The following SEC61A1 variants were observed in gnomAD, a reference collection of about 807,000 sequenced individuals.
SEC61A1 encodes SEC61 translocon subunit alpha 1.
A neutral mutation model predicts 55.2 loss-of-function variants in SEC61A1; 15 were observed. The observed-to-expected ratio is 0.27, with a 90% CI of 0.18 to 0.42. SEC61A1 has a LOEUF of 0.42. Ranked by LOEUF, SEC61A1 falls within the 10% of genes least tolerant of loss-of-function variation. SEC61A1 has a pLI of 1.00. For synonymous variants in SEC61A1, 247 were observed against 234.0 expected (o/e 1.06, Z -0.51); for missense variants, 284 against 602.6 (o/e 0.47, Z 5.53).
chr3:128,051,948 T>C (rs1485436639), upstream of SEC61A1: 4 of 1,469,528 alleles, frequency 2.7e-6, no homozygotes, highest in East Asian at 4.9e-5. Flanking sequence ...CAGCAGGTAA[T>C]GACGGAGACC....
chr3:128,064,723 T>A (rs1377034209), intron 7 of SEC61A1, 154 bp from the exon 8 acceptor site: 2 of 624,548 alleles, frequency 3.2e-6, no homozygotes, highest in Non-Finnish European at 5.6e-6. Context: ...AAGGGAGGGA[T>A]GAGAATAATA....
intron 5 of SEC61A1, among the ~76,000 whole-genome samples, chr3:128,059,291 GTGAAACCC>G (rs1941820094): frequency 6.6e-6 from 1 of 152,102 alleles, no homozygotes; most frequent in Non-Finnish European, 1.5e-5. Context: ...GGCTAACACA[GTGAAACCC>G]TGTCTACACT....
At chr3:128,056,604 G>C in intron 4 of SEC61A1, 105 bp from the exon 5 acceptor site, 1 of 1,025,438 alleles carries the variant, frequency 9.8e-7, no homozygotes, top group Non-Finnish European at 1.4e-6. Context: ...AAACACATTG[G>C]TTTTATATAA....
intron 4 of SEC61A1, 131 bp from the exon 5 acceptor site, chr3:128,056,578 C>A: frequency 2.7e-6 from 2 of 742,112 alleles, no homozygotes; most frequent in Non-Finnish European, 2.0e-6. Context: ...CTAAATTAAA[C>A]ACAGCTAGGA....
chr3:128,067,898 G>C lies in SEC61A1; in HGVS notation c.1168-85G>C. 2.9e-6 allele frequency: 3 copies of C among 1,050,700 alleles called. No homozygotes were observed. The highest frequency in any genetic ancestry group is 2.4e-5 in the East Asian group (1 of 42,132). 65.1% of individuals were successfully genotyped at this position (1,050,700 alleles called of 1,614,324 possible). A position where few individuals can be genotyped will look rare whatever the true frequency, so the allele number is the denominator to read the frequency against. On this transcript the variant is annotated intron_variant, in intron 10 of 11. Coordinates refer to ENST00000243253, the MANE Select transcript of SEC61A1 (RefSeq NM_013336.4). The surrounding 1 kb of genome is among the most constrained non-coding windows in gnomAD (Gnocchi z 4.1). The stretch of plus-strand genomic sequence containing the variant: ...GAATATTGTCAGTGCTCGAAGAGGC[G>C]ATCTGTAACTGTTCAGTACCACTTG...
Position 128,069,725 on chromosome 3 carries a change from C to A in SEC61A1, c.*63C>A. On this transcript the variant is annotated 3_prime_UTR_variant, in exon 12 of 12. Coordinates refer to ENST00000243253, the MANE Select transcript of SEC61A1 (RefSeq NM_013336.4). ...AGCGCCTCGGAAGGGGAGCTCTCATCATGGCGCGTGCTGCTGCGGCATATG... is the reference window on the plus strand; with the variant it reads ...AGCGCCTCGGAAGGGGAGCTCTCATAATGGCGCGTGCTGCTGCGGCATATG... 1 of 1,403,058 alleles carries A rather than the reference C, an allele frequency of 7.1e-7. No homozygotes were observed. 86.9% of individuals were successfully genotyped at this position (1,403,058 alleles called of 1,614,324 possible). A position where few individuals can be genotyped will look rare whatever the true frequency, so the allele number is the denominator to read the frequency against.
chr3:128,052,677 G>A, intron 1 of SEC61A1, 118 bp downstream of exon 1: 2 of 1,527,416 alleles, frequency 1.3e-6, no homozygotes, highest in Non-Finnish European at 1.8e-6. Flanking sequence ...AACGCGGCCC[G>A]TGCCCCCGGC....
At chr3:128,051,747 C>G (rs1213649536), upstream of SEC61A1, 7 of 1,493,918 alleles carry the variant, frequency 4.7e-6, no homozygotes, top group Admixed American at 2.1e-5. Flanking sequence ...CCCAGGAGGC[C>G]TTCCTGAATT....
Position 128,065,759 on chromosome 3 carries a change from C to T in SEC61A1, c.777+722C>T, listed in dbSNP as rs533297936. 4.5e-3 allele frequency among the ~76,000 whole-genome samples: 182 copies of T among 40,488 alleles called. 2 individuals carry two copies. The highest frequency in any genetic ancestry group is 0.037 in the East Asian group (48 of 1,288). The allele number at this position is 40,488 out of a possible 152,430, so 26.6% of individuals were successfully genotyped here. On this transcript the variant is annotated intron_variant, in intron 8 of 11. Coordinates refer to ENST00000243253, the MANE Select transcript of SEC61A1 (RefSeq NM_013336.4). The stretch of plus-strand genomic sequence containing the variant: ...TTTTTTTTTTTTTTTTTTTTTGAGA[C>T]GGAGTCTTGCTCTGTTGCCCAGGCT...
chr3:128,060,291 C>G, intron 6 of SEC61A1, 80 bp downstream of exon 6: 1 of 1,168,572 alleles, frequency 8.6e-7, no homozygotes, highest in Non-Finnish European at 1.3e-6. Flanking sequence ...CTCAAGCACA[C>G]CTAAAAGGAA....
In SEC61A1 at chr3:128,067,965, CCTG is replaced by C. The variant is rs753195479; in HGVS notation, c.1168-17_1168-15del. 1.9e-6 allele frequency: 3 copies of C among 1,611,736 alleles called. No homozygotes were observed. The highest frequency in any genetic ancestry group is 1.3e-5 in the African/African-American group (1 of 74,936). ...TTCAGCCTCCAATTCCAACTTCTCC[CCTG>C]TGGGCACCCTGCAGGTTGCAAAGCA... On this transcript the variant is annotated splice_polypyrimidine_tract_variant and intron_variant, in intron 10 of 11. Transcript: ENST00000243253. This position sits in a 1 kb window ranked among gnomAD's most constrained non-coding sequence, Gnocchi z 4.1.
Position 128,056,776 on chromosome 3 carries a change from C to A in SEC61A1, c.288C>A (p.Gly96=), listed in dbSNP as rs1028300631. ...GCCTTATAATGCAACTCTTGGCTGG[C>A]GCCAAGATAATTGAAGTTGGTGACA... ...TSGLIMQLLA[G]AKIIEVGDTP... Residue 96 remains glycine (G), a synonymous_variant, in exon 5 of 12, where the codon GGC becomes GGA. Transcript: ENST00000243253. 1 of 1,609,698 alleles carries A rather than the reference C, an allele frequency of 6.2e-7. No homozygotes were observed. The highest frequency in any genetic ancestry group is 8.5e-7 in the Non-Finnish European group (1 of 1,177,594).
intron 11 of SEC61A1, 41 bp from the exon 12 acceptor site, chr3:128,069,435 C>T (rs1185024685): frequency 6.3e-7 from 1 of 1,589,104 alleles, no homozygotes; most frequent in East Asian, 2.2e-5. Flanking sequence ...TCACGGGGAG[C>T]TCTGTGGGTG....
At chr3:128,064,626 C>T (rs922740037) in intron 7 of SEC61A1, among the ~76,000 whole-genome samples, 6 of 152,244 alleles carry the variant, frequency 3.9e-5, no homozygotes, top group Non-Finnish European at 7.4e-5. Flanking sequence ...CTAGCCTAGG[C>T]AGCCGAGAGA....
rs1203303118 is a variant in SEC61A1 at position 128,065,038 on chromosome 3, G to A, written c.777+1G>A. On this transcript the variant is annotated splice_donor_variant, in intron 8 of 11. Transcript: ENST00000243253. LOFTEE classifies it high-confidence loss of function. ...CTTTGCAGTGGTCATCTATTTCCAGGTGTGTCCAGATCCAACCCCAGGGAG... is the reference window on the plus strand; with the variant it reads ...CTTTGCAGTGGTCATCTATTTCCAGATGTGTCCAGATCCAACCCCAGGGAG... 7 of 1,614,060 alleles carry A rather than the reference G, an allele frequency of 4.3e-6. No individual in the cohort carries two copies. Among genetic ancestry groups the A allele is most frequent in the Non-Finnish European group, 5.9e-6 (7 of 1,180,032 alleles).
At chr3:128,065,236 CA>C (rs1301556264) in intron 8 of SEC61A1, 199 bp downstream of exon 8, 1 of 674,634 alleles carries the variant, frequency 1.5e-6, no homozygotes, top group Admixed American at 2.3e-5. Context: ...ATTAACGAAA[CA>C]AAATTAAGGC....
chr3:128,053,844 T>C (rs1378584504), intron 2 of SEC61A1, among the ~76,000 whole-genome samples: 1 of 152,166 alleles, frequency 6.6e-6, no homozygotes, highest in Non-Finnish European at 1.5e-5. Context: ...ACAAGGGAAA[T>C]ACGTGCAAGG....
chr3:128,066,773 A>C, intron 8 of SEC61A1, 181 bp from the exon 9 acceptor site: 1 of 598,994 alleles, frequency 1.7e-6, no homozygotes, highest in South Asian at 2.1e-5. Context: ...GGATGTGCCA[A>C]GTGCAGGAGT....
intron 2 of SEC61A1, among the ~76,000 whole-genome samples, chr3:128,054,243 T>C (rs1327479932): frequency 6.6e-6 from 1 of 152,100 alleles, no homozygotes; most frequent in East Asian, 1.9e-4. Context: ...ATAAAGAGCT[T>C]TTGGGGTTTT....
Sources: gnomAD v4.1 joint callset for allele counts (sites outside exome capture counted in the v4.1 genomes callset) on GRCh38, gnomAD v4.1.1 for gene constraint, Gnocchi (gnomAD v3.1) non-coding constraint, MANE v1.5 for transcripts, NCBI Gene and HGNC (gene_info 2026-07-23, HGNC 2026-07-21) for gene names.